The following TLK2 variants were observed in gnomAD, a reference collection of about 807,000 sequenced individuals.
The protein encoded by TLK2 is tousled like kinase 2.
A neutral mutation model predicts 117.3 loss-of-function variants in TLK2; 6 were observed. The observed-to-expected ratio is 0.05, with a 90% confidence interval of 0.03 to 0.10. The LOEUF is 0.10. Ranked by LOEUF, TLK2 falls within the 10% of genes least tolerant of loss-of-function variation. The probability of loss-of-function intolerance (pLI) is 1.00; values close to 1 mark genes in which losing one functional copy is unlikely to be tolerated. For missense variants in TLK2, 299 were observed against 901.2 expected (o/e 0.33, Z 8.56); for synonymous variants, 257 against 316.7 (o/e 0.81, Z 2.00).
intron 2 of TLK2, among the ~76,000 whole-genome samples, chr17:62,500,023 CA>C (rs2074057986): frequency 6.6e-6 from 1 of 152,056 alleles, no homozygotes; most frequent in Non-Finnish European, 1.5e-5. Context: ...CTTTTACTAG[CA>C]AACCTTTTAT....
At chr17:62,536,472 A>C in intron 7 of TLK2, 135 bp downstream of exon 7, 1 of 984,370 alleles carries the variant, frequency 1.0e-6, no homozygotes, top group Non-Finnish European at 1.4e-6. Context: ...TCCCCTTATC[A>C]TCATTCCCAA....
rs544412351 is a variant in TLK2, at chr17:62,545,232, G to C, written c.532-7070G>C. ...TTAGTAGAGATGGTTTCACCATGTT[G>C]ACCAGGCTGGTCTCGAACTCCTGAT... is the stretch of plus-strand genomic sequence containing the variant. On this transcript the variant is annotated intron_variant, in intron 7 of 21. Transcript: ENST00000346027. 5.5e-4 allele frequency among the ~76,000 whole-genome samples: 83 copies of C among 152,212 alleles called. No homozygotes were observed. In the South Asian group the frequency reaches 7.3e-3, roughly 13 times the overall value.
At chr17:62,586,580 G>C (rs1054901164) in intron 16 of TLK2, among the ~76,000 whole-genome samples, 8 of 152,110 alleles carry the variant, frequency 5.3e-5, no homozygotes, top group Non-Finnish European at 7.4e-5. Context: ...CCAGCACTTT[G>C]GGAGGCTGAG....
At chr17:62,528,026 T>C (rs1181661651) in intron 6 of TLK2, among the ~76,000 whole-genome samples, 2 of 152,108 alleles carry the variant, frequency 1.3e-5, no homozygotes, top group Non-Finnish European at 2.9e-5. Context: ...CAGGCATGAG[T>C]CACCGTGCCC....
At chr17:62,612,302 T>C in intron 21 of TLK2, 90 bp from the exon 22 acceptor site, 1 of 1,411,274 alleles carries the variant, frequency 7.1e-7, no homozygotes, top group East Asian at 2.3e-5. Context: ...ATATTTGCTC[T>C]GGGCCCTGGC....
At chr17:62,608,744 G>A (rs1598917096) in intron 21 of TLK2, among the ~76,000 whole-genome samples, 1 of 152,304 alleles carries the variant, frequency 6.6e-6, no homozygotes, top group East Asian at 1.9e-4. Context: ...TACAATTCAA[G>A]ATGAGATTTG....
In TLK2 at chr17:62,510,278, A is replaced by G. The variant is rs547535391; in HGVS notation, c.82-10495A>G. Among the ~76,000 whole-genome samples, 155 of 152,282 alleles carry G rather than the reference A, an allele frequency of 1.0e-3. 1 individual carries two copies. The highest frequency in any genetic ancestry group is 3.5e-3 in the African/African-American group (145 of 41,568). On this transcript the variant is annotated intron_variant, in intron 2 of 21. Transcript: ENST00000346027. Reference sequence around the variant, plus strand: ...CAGAGCGAGACCCTGTCTCAAAAAAAATTACCCAGTCTCAGGCATTCTGTC... The same window carrying G: ...CAGAGCGAGACCCTGTCTCAAAAAAGATTACCCAGTCTCAGGCATTCTGTC...
chr17:62,576,372 AT>A (rs2080786808), intron 12 of TLK2, among the ~76,000 whole-genome samples: 1 of 152,222 alleles, frequency 6.6e-6, no homozygotes, highest in African/African-American at 2.4e-5. Flanking sequence ...CCTCTAAAAA[AT>A]TTTTAGAGAA....
intron 11 of TLK2, among the ~76,000 whole-genome samples, chr17:62,569,607 T>G (rs1303327794): frequency 6.6e-6 from 1 of 151,682 alleles, no homozygotes; most frequent in Non-Finnish European, 1.5e-5. Flanking sequence ...GGCTAATTTT[T>G]GTATTTTTAG....
intron 7 of TLK2, among the ~76,000 whole-genome samples, chr17:62,546,254 C>T (rs772332335): frequency 1.3e-5 from 2 of 151,810 alleles, no homozygotes; most frequent in African/African-American, 4.8e-5. Context: ...CTCAAGCTAT[C>T]AGCTCGCTTT....
chr17:62,560,423 A>T (rs2079172203), intron 10 of TLK2: 1 of 165,862 alleles, frequency 6.0e-6, no homozygotes, highest in African/African-American at 2.4e-5. Flanking sequence ...TCATTCTATC[A>T]ATTGAAGTGA....
intron 16 of TLK2, among the ~76,000 whole-genome samples, chr17:62,590,422 G>A (rs1237163619): frequency 1.3e-5 from 2 of 152,082 alleles, no homozygotes; most frequent in African/African-American, 4.8e-5. Flanking sequence ...CAGCCTGGGC[G>A]ACAGAGCGAG....
chr17:62,481,333 A>T, intron 2 of TLK2, 127 bp downstream of exon 2: 1 of 1,005,996 alleles, frequency 9.9e-7, no homozygotes. Context: ...TCTTAATTTC[A>T]GTGAACTTTT....
rs184288198 is a variant in TLK2 at position 62,599,162 on chromosome 17, G to T, written c.1551-1489G>T. Among the ~76,000 whole-genome samples the T allele has an allele frequency of 1.1e-4, 17 of 152,272 alleles. No individual in the cohort carries two copies. The East Asian group carries it at 3.3e-3, about 29-fold the overall frequency. ...GAGTTTCACTATGTTGGCCAGGCTG[G>T]TCTCAAACTCCTGGCCTCAAGTGAT... On this transcript the variant is annotated intron_variant, in intron 17 of 21. Coordinates refer to ENST00000346027, the MANE Select transcript of TLK2 (RefSeq NM_006852.6).
rs924406537 is a variant in TLK2, at chr17:62,598,937, A to G, written c.1551-1714A>G. On this transcript the variant is annotated intron_variant, in intron 17 of 21. Coordinates refer to ENST00000346027, the MANE Select transcript of TLK2 (RefSeq NM_006852.6). ...TCAGAGGAATCTATAAATTTCAGAC[A>G]TTTCTTTTTTTAATTTTATTTTATT... Among the ~76,000 whole-genome samples the G allele has an allele frequency of 5.3e-5, 8 of 151,340 alleles. 1 individual carries two copies. Among genetic ancestry groups the G allele is most frequent in the Admixed American group, 6.6e-5 (1 of 15,204 alleles).
At chr17:62,517,317 C>T (rs1313089559) in intron 2 of TLK2, among the ~76,000 whole-genome samples, 2 of 152,222 alleles carry the variant, frequency 1.3e-5, no homozygotes, top group Non-Finnish European at 2.9e-5. Context: ...CATTCTTTTC[C>T]ATTGATATCT....
chr17:62,603,132 G>C (rs889564143), intron 19 of TLK2, among the ~76,000 whole-genome samples: 2 of 152,150 alleles, frequency 1.3e-5, no homozygotes, highest in African/African-American at 4.8e-5. Context: ...GGAACTGAAA[G>C]GTCCTAGGCC....
At chr17:62,552,662 CTTTTTTT>C (rs77695614) in intron 8 of TLK2, among the ~76,000 whole-genome samples, 3 of 139,246 alleles carry the variant, frequency 2.2e-5, no homozygotes, top group Non-Finnish European at 4.7e-5. Context: ...AACTGCACAC[CTTTTTTT>C]TTTTTTTTTC....
rs149252961 is a variant in TLK2, at chr17:62,491,096, A to G, written c.81+9890A>G. Reference sequence around the variant, plus strand: ...GGATTCTTGACTTCTTACAGAAGTAATTCTTTATTTCATTGCTTTGCAGTC... The same window carrying G: ...GGATTCTTGACTTCTTACAGAAGTAGTTCTTTATTTCATTGCTTTGCAGTC... On this transcript the variant is annotated intron_variant, in intron 2 of 21. Coordinates refer to ENST00000346027, the MANE Select transcript of TLK2 (RefSeq NM_006852.6). 3.4e-3 allele frequency among the ~76,000 whole-genome samples: 525 copies of G among 152,238 alleles called. 3 individuals are homozygous for G. Among genetic ancestry groups the G allele is most frequent in the African/African-American group, 0.012 (489 of 41,524 alleles).
Sources: gnomAD v4.1 joint callset for allele counts (sites outside exome capture counted in the v4.1 genomes callset) on GRCh38, gnomAD v4.1.1 for gene constraint, MANE v1.5 for transcripts, NCBI Gene and HGNC (gene_info 2026-07-23, HGNC 2026-07-21) for gene names.